The following FGD4 variants were observed in gnomAD, a reference collection of about 807,000 sequenced individuals.
The protein encoded by FGD4 is FYVE, RhoGEF and PH domain containing 4.
Under a neutral mutation model 102.0 loss-of-function variants are expected in FGD4, and 42 were observed. That is an observed-to-expected ratio of 0.41 (90% CI 0.32 to 0.53). The LOEUF (loss-of-function observed/expected upper bound fraction) is 0.53. FGD4 is among the 20% of genes least tolerant of loss of function. The pLI, the probability that FGD4 is intolerant of heterozygous loss-of-function variation, is 0.21. For missense variants in FGD4, 902 were observed against 1,078.2 expected, an observed-to-expected ratio of 0.84 and a Z score of 2.29; for synonymous variants, 380 against 375.7, an observed-to-expected ratio of 1.01 and a Z score of -0.13.
chr12:32,486,214 A>G (rs1943895383), intron 1 of FGD4: 2 of 1,407,540 alleles, frequency 1.4e-6, no homozygotes, highest in African/African-American at 1.4e-5. Flanking sequence ...TTCACTATGC[A>G]AAGTATACAA....
intron 1 of FGD4, among the ~76,000 whole-genome samples, chr12:32,535,357 A>C (rs532015167): frequency 1.1e-4 from 16 of 152,126 alleles, no homozygotes. Context: ...TCCTTCCTTA[A>C]GTGTCAGGGG....
chr12:32,455,518 C>T (rs1942924744), intron 1 of FGD4, among the ~76,000 whole-genome samples: 1 of 152,094 alleles, frequency 6.6e-6, no homozygotes, highest in African/African-American at 2.4e-5. Context: ...TTGCAGTAGA[C>T]TTTCCCTAAT....
At chr12:32,430,385 C>T (rs764709665) in intron 1 of FGD4, among the ~76,000 whole-genome samples, 4 of 151,984 alleles carry the variant, frequency 2.6e-5, no homozygotes, top group South Asian at 2.1e-4. Flanking sequence ...GCTGGGCAAC[C>T]GTACTTTTGG....
chr12:32,516,664 C>A (rs114918976), intron 1 of FGD4, among the ~76,000 whole-genome samples: 1,545 of 152,316 alleles, frequency 0.01, 21 homozygotes, highest in African/African-American at 0.035. Context: ...TAAACTCTCA[C>A]ATTTAACATA....
At chr12:32,508,605 T>C (rs1428882135) in intron 1 of FGD4, among the ~76,000 whole-genome samples, 1 of 152,220 alleles carries the variant, frequency 6.6e-6, no homozygotes, top group Non-Finnish European at 1.5e-5. Flanking sequence ...ACTCTCTTCT[T>C]GTTAAGTCCA....
At chr12:32,599,532 A>ATTTTT (rs1948203574) in intron 5 of FGD4, among the ~76,000 whole-genome samples, 7 of 47,694 alleles carry the variant, frequency 1.5e-4, no homozygotes, top group African/African-American at 1.7e-4. Flanking sequence ...AAACTAAGGC[A>ATTTTT]TCTTTTTTTT....
intron 2 of FGD4, among the ~76,000 whole-genome samples, chr12:32,570,647 T>G (rs1945585370): frequency 6.6e-6 from 1 of 151,960 alleles, no homozygotes; most frequent in Non-Finnish European, 1.5e-5. Context: ...CGCCATGTTG[T>G]TCAGGCTGGT....
At position 32,601,183 on chromosome 12, in the gene FGD4, A is replaced by T. The variant is rs903212817; in HGVS notation, c.1102-95A>T. ...AACTGTAAACTTTTCCATTTGCTCAATAAAAAGTTACTAAGAGCCCACTAT... is the reference window on the plus strand; with the variant it reads ...AACTGTAAACTTTTCCATTTGCTCATTAAAAAGTTACTAAGAGCCCACTAT... On this transcript the variant is annotated intron_variant, in intron 5 of 16. Transcript: ENST00000534526. 2.4e-5 allele frequency: 32 copies of T among 1,321,874 alleles called. No individual in the cohort carries two copies. The Admixed American group carries it at 6.6e-4, about 27-fold the overall frequency. 81.9% of individuals were successfully genotyped at this position (1,321,874 alleles called of 1,614,324 possible).
chr12:32,626,183 G>A (rs1409886256), intron 14 of FGD4, among the ~76,000 whole-genome samples: 2 of 152,182 alleles, frequency 1.3e-5, no homozygotes, highest in African/African-American at 4.8e-5. Context: ...AGTGGCTTAC[G>A]CCTATAATCC....
intron 1 of FGD4, among the ~76,000 whole-genome samples, chr12:32,475,986 T>C (rs1943575053): frequency 6.6e-6 from 1 of 152,236 alleles, no homozygotes; most frequent in Non-Finnish European, 1.5e-5. Flanking sequence ...CTATATTTTA[T>C]TGTAGGCAGC....
intron 8 of FGD4, among the ~76,000 whole-genome samples, chr12:32,609,949 G>A (rs970200759): frequency 1.1e-4 from 16 of 152,112 alleles, no homozygotes; most frequent in Non-Finnish European, 1.9e-4. Context: ...GAGCTCCTAC[G>A]ATGTCCACAC....
At chr12:32,526,612 A>G (rs565973722) in intron 1 of FGD4, among the ~76,000 whole-genome samples, 1 of 152,318 alleles carries the variant, frequency 6.6e-6, no homozygotes, top group Non-Finnish European at 1.5e-5. Context: ...AGGCTGCCCG[A>G]GCCAGCATTG....
chr12:32,414,928 A>AT (rs1941345943), intron 1 of FGD4, among the ~76,000 whole-genome samples: 1 of 151,878 alleles, frequency 6.6e-6, no homozygotes, highest in Non-Finnish European at 1.5e-5. Context: ...ATAGGTGTAA[A>AT]TTTCCTTCTT....
chr12:32,488,984 C>G (rs1238151050), intron 1 of FGD4, among the ~76,000 whole-genome samples: 1 of 152,126 alleles, frequency 6.6e-6, no homozygotes, highest in African/African-American at 2.4e-5. Flanking sequence ...ATTTTATTCT[C>G]TATGATAAGT....
Position 32,625,979 on chromosome 12 carries a change from G to A in FGD4, c.2172+200G>A, listed in dbSNP as rs1909510. Reference sequence around the variant, plus strand: ...TGTTCCCTGGCTTTACAGAGCTTACGTTGTAATGGGGAAGACAGACAAATA... The same window carrying A: ...TGTTCCCTGGCTTTACAGAGCTTACATTGTAATGGGGAAGACAGACAAATA... On this transcript the variant is annotated intron_variant, in intron 14 of 16. Coordinates refer to ENST00000534526, the MANE Select transcript of FGD4 (RefSeq NM_001370298.3). Among the ~76,000 whole-genome samples the A allele has an allele frequency of 0.48, 73,026 of 152,076 alleles. 18,218 individuals are homozygous for A. Among genetic ancestry groups the A allele is most frequent in the Middle Eastern group, 0.64 (187 of 292 alleles).
intron 1 of FGD4, among the ~76,000 whole-genome samples, chr12:32,438,198 G>T (rs1942298061): frequency 6.6e-6 from 1 of 151,986 alleles, no homozygotes; most frequent in South Asian, 2.1e-4. Flanking sequence ...GGCCAGGAAT[G>T]GTTCTTGAAC....
At chr12:32,406,620 G>T (rs886526996) in intron 1 of FGD4, among the ~76,000 whole-genome samples, 3 of 151,958 alleles carry the variant, frequency 2.0e-5, no homozygotes, top group African/African-American at 7.3e-5. Flanking sequence ...AGTAGGTTTG[G>T]ACAGGAGCTT....
At chr12:32,488,769 T>A (rs994403858) in intron 1 of FGD4, among the ~76,000 whole-genome samples, 9 of 152,088 alleles carry the variant, frequency 5.9e-5, no homozygotes, top group African/African-American at 1.9e-4. Flanking sequence ...TGAAACCCCG[T>A]CTCTACTAAA....
chr12:32,587,187 CAAAAAA>C lies in FGD4; in HGVS notation c.1011+4740_1011+4745del, dbSNP rs1181469038. Among the ~76,000 whole-genome samples the C allele has an allele frequency of 1.2e-3, 78 of 66,150 alleles. 1 individual carries two copies. The highest frequency in any genetic ancestry group is 3.6e-3 in the African/African-American group (75 of 20,934). The allele number at this position is 66,150 out of a possible 152,430, so 43.4% of individuals were successfully genotyped here. On this transcript the variant is annotated intron_variant, in intron 4 of 16. Transcript: ENST00000534526. ...CCTGGATGACAGGGTGAGACTCTCT[CAAAAAA>C]AAAAAAAAAAAAAAAAAAATTCTGG...
Sources: allele counts gnomAD v4.1 joint callset (sites outside exome capture counted in the v4.1 genomes callset), GRCh38; gene constraint gnomAD v4.1.1; transcripts MANE v1.5; gene names NCBI Gene and HGNC (gene_info 2026-07-23, HGNC 2026-07-21).